The following TMPRSS15 variants were observed in gnomAD, a reference collection of about 807,000 sequenced individuals.
TMPRSS15 encodes the protein enteropeptidase.
TMPRSS15 carries 128 observed loss-of-function variants against 125.3 expected under a neutral mutation model. That is an observed-to-expected ratio of 1.02 (90% CI 0.89 to 1.18). TMPRSS15 has a LOEUF of 1.18. Ranked by LOEUF, TMPRSS15 falls within the 50% of genes most tolerant of loss-of-function variation. The pLI is 0.00. For missense variants in TMPRSS15, 1,283 were observed against 1,212.7 expected (o/e 1.06, Z -0.86); for synonymous variants, 446 against 423.2 (o/e 1.05, Z -0.66).
intron 21 of TMPRSS15, among the ~76,000 whole-genome samples, chr21:18,291,510 C>G (rs1387649928): frequency 6.6e-6 from 1 of 152,166 alleles, no homozygotes; most frequent in Non-Finnish European, 1.5e-5. Context: ...ATACCTGGAA[C>G]AGGTTTACAC....
At chr21:18,335,912 A>G (rs115233052) in intron 13 of TMPRSS15, among the ~76,000 whole-genome samples, 1,567 of 150,280 alleles carry the variant, frequency 0.01, 25 homozygotes, top group African/African-American at 0.037. Context: ...GGTATAGGGA[A>G]TTATATTCAT....
intron 8 of TMPRSS15, among the ~76,000 whole-genome samples, chr21:18,354,736 C>A (rs1436029788): frequency 2.0e-5 from 3 of 151,572 alleles, no homozygotes; most frequent in African/African-American, 4.8e-5. Flanking sequence ...CTGAAATGGT[C>A]TCTTAGTGGA....
In TMPRSS15 at chr21:18,400,053, C is replaced by T. The variant is rs116299471; in HGVS notation, c.146-1724G>A. Among the ~76,000 whole-genome samples the T allele has an allele frequency of 7.4e-3, 1,119 of 152,124 alleles. 13 individuals carry two copies. Among genetic ancestry groups the T allele is most frequent in the African/African-American group, 0.025 (1,048 of 41,506 alleles). ...TAAAAGAGACCTACAAGGATAACTA[C>T]AAAACACTGCTATAAAAATCAGATA... On this transcript the variant is annotated intron_variant, in intron 1 of 24. Coordinates refer to ENST00000284885, the MANE Select transcript of TMPRSS15 (RefSeq NM_002772.3).
At chr21:18,426,237 G>A (rs575546806) in intron 1 of TMPRSS15, among the ~76,000 whole-genome samples, 1 of 152,204 alleles carries the variant, frequency 6.6e-6, no homozygotes, top group Non-Finnish European at 1.5e-5. Context: ...TATGAAGTAG[G>A]AATTATTATT....
At chr21:18,337,301 T>G (rs2075401769) in intron 13 of TMPRSS15, among the ~76,000 whole-genome samples, 1 of 152,216 alleles carries the variant, frequency 6.6e-6, no homozygotes, top group South Asian at 2.1e-4. Context: ...TATTTAATAC[T>G]ATAGCTAGGT....
intron 18 of TMPRSS15, among the ~76,000 whole-genome samples, chr21:18,305,138 G>A (rs1440139657): frequency 6.7e-6 from 1 of 149,536 alleles, no homozygotes; most frequent in African/African-American, 2.5e-5. Flanking sequence ...TAGACTTTTG[G>A]GTTCAATAGG....
chr21:18,290,825 C>A (rs190893152), intron 21 of TMPRSS15, among the ~76,000 whole-genome samples: 7 of 70,254 alleles, frequency 1.0e-4, no homozygotes, highest in Non-Finnish European at 2.3e-4. Context: ...TAACCTACTA[C>A]GAAATTGTTC....
At chr21:18,470,539 A>C (rs1464195232) in intron 1 of TMPRSS15, among the ~76,000 whole-genome samples, 1 of 152,104 alleles carries the variant, frequency 6.6e-6, no homozygotes, top group Non-Finnish European at 1.5e-5. Context: ...AAGTGTGTAT[A>C]AAAGAAGCAG....
In TMPRSS15 at chr21:18,278,924, G is replaced by GTTTGTTTTT. The variant is rs769392758; in HGVS notation, c.2764+39_2764+40insAAAAACAAA. 102 of 440,188 alleles carry GTTTGTTTTT rather than the reference G, an allele frequency of 2.3e-4. 1 individual carries two copies. In the African/African-American group the frequency reaches 2.9e-3, roughly 13 times the overall value. 27.3% of individuals were successfully genotyped at this position (440,188 alleles called of 1,614,324 possible). A position where few individuals can be genotyped will look rare whatever the true frequency, so the allele number is the denominator to read the frequency against. On this transcript the variant is annotated intron_variant, in intron 23 of 24. Transcript: ENST00000284885. The stretch of plus-strand genomic sequence containing the variant: ...TGACAGTCTGTTTTTCACCAGTAAG[G>GTTTGTTTTT]TTTTTTTTTTTTTTTTTTTTTTTGA...
chr21:18,459,782 T>C (rs949716970), intron 1 of TMPRSS15, among the ~76,000 whole-genome samples: 9 of 152,204 alleles, frequency 5.9e-5, no homozygotes, highest in African/African-American at 2.2e-4. Context: ...TAAGAAGAAC[T>C]ATTGATTCTT....
chr21:18,482,380 G>A (rs866725129), intron 1 of TMPRSS15, among the ~76,000 whole-genome samples: 10 of 151,184 alleles, frequency 6.6e-5, no homozygotes, highest in Non-Finnish European at 1.0e-4. Context: ...ATAGGGTATG[G>A]CGACTATATT....
rs888388406 is a variant in TMPRSS15 at position 18,395,413 on chromosome 21, T to C, written c.344+2466A>G. 4.6e-5 allele frequency among the ~76,000 whole-genome samples: 7 copies of C among 152,182 alleles called. No homozygotes were observed. The East Asian group carries it at 5.8e-4, about 13-fold the overall frequency. ...AATAATTCACGACAGACTGATAATC[T>C]AAAACTTCACAAACCCCTAGTGAGG... On this transcript the variant is annotated intron_variant, in intron 3 of 24. Coordinates refer to ENST00000284885, the MANE Select transcript of TMPRSS15 (RefSeq NM_002772.3).
chr21:18,337,974 G>T (rs369374447), intron 13 of TMPRSS15, among the ~76,000 whole-genome samples: 1 of 152,122 alleles, frequency 6.6e-6, no homozygotes. Flanking sequence ...ACTCCGGGCA[G>T]ATTCTAAAGT....
At position 18,353,809 on chromosome 21, in the gene TMPRSS15, G is replaced by C; in HGVS notation, c.935C>G (p.Thr312Ser). 1 of 1,611,754 alleles carries C rather than the reference G, an allele frequency of 6.2e-7. No homozygotes were observed. The highest frequency in any genetic ancestry group is 8.5e-7 in the Non-Finnish European group (1 of 1,178,402). Residue 312 changes from threonine to serine, a missense_variant, in exon 9 of 25, where the codon ACT (threonine) becomes AGT (serine). Transcript: ENST00000284885. ...GTIRIFSNQV[T>S]ATFLIESDES... ...ATCAGATTCTATAAGAAAGGTGGCA[G>C]TAACTTGGTTGGAAAAAATTCTTAT... is the stretch of plus-strand genomic sequence containing the variant.
At chr21:18,412,862 A>G (rs1466478713) in intron 1 of TMPRSS15, among the ~76,000 whole-genome samples, 5 of 152,214 alleles carry the variant, frequency 3.3e-5, no homozygotes, top group Admixed American at 2.0e-4. Flanking sequence ...CCCTGGTAAA[A>G]TTGGTTAGGT....
At chr21:18,282,813 A>G (rs1392091759) in intron 21 of TMPRSS15, among the ~76,000 whole-genome samples, 1 of 152,204 alleles carries the variant, frequency 6.6e-6, no homozygotes, top group Non-Finnish European at 1.5e-5. Context: ...GTCTGACTTT[A>G]GAGCCTGCAC....
chr21:18,387,167 T>A lies in TMPRSS15; in HGVS notation c.345-3389A>T, dbSNP rs144449511. Among the ~76,000 whole-genome samples the A allele has an allele frequency of 4.3e-3, 657 of 152,248 alleles. 8 individuals carry two copies. The highest frequency in any genetic ancestry group is 0.015 in the African/African-American group (611 of 41,552). Reference sequence around the variant, plus strand: ...TAATAATCATTTGTGATTCACCTCATAAGAAAGCTGAAGCTGTTTAGTTGT... The same window carrying A: ...TAATAATCATTTGTGATTCACCTCAAAAGAAAGCTGAAGCTGTTTAGTTGT... On this transcript the variant is annotated intron_variant, in intron 3 of 24. Coordinates refer to ENST00000284885, the MANE Select transcript of TMPRSS15 (RefSeq NM_002772.3).
At chr21:18,484,592 G>A (rs894292760) in intron 1 of TMPRSS15, among the ~76,000 whole-genome samples, 1 of 151,402 alleles carries the variant, frequency 6.6e-6, no homozygotes, top group Non-Finnish European at 1.5e-5. Flanking sequence ...TATATATGCA[G>A]ACTAGCATAC....
chr21:18,472,480 T>C (rs370750200), intron 1 of TMPRSS15, among the ~76,000 whole-genome samples: 3,495 of 112,274 alleles, frequency 0.031, 64 homozygotes, highest in African/African-American at 0.063. Context: ...TATATATATA[T>C]ACACACACAC....
Sources: allele counts gnomAD v4.1 joint callset (sites outside exome capture counted in the v4.1 genomes callset), GRCh38; gene constraint gnomAD v4.1.1; transcripts MANE v1.5; gene names NCBI Gene and HGNC (gene_info 2026-07-23, HGNC 2026-07-21).